SUCLG2: variants seen among roughly 807,000 people sequenced by gnomAD.
The protein encoded by SUCLG2 is succinate-CoA ligase GDP-forming subunit beta.
A neutral mutation model predicts 47.9 loss-of-function variants in SUCLG2; 42 were observed. The observed-to-expected ratio is 0.88, with a 90% CI of 0.69 to 1.14. The LOEUF (loss-of-function observed/expected upper bound fraction) is 1.14, where lower values mean the gene tolerates loss of function less well. Among genes scored for constraint, SUCLG2 ranks in the 50% most tolerant of loss-of-function variants. The probability of loss-of-function intolerance (pLI) is 0.00; values close to 1 mark genes in which losing one functional copy is unlikely to be tolerated. For synonymous variants in SUCLG2, 195 were observed against 197.3 expected (o/e 0.99, Z 0.10); for missense variants, 571 against 525.9 (o/e 1.09, Z -0.84).
intron 2 of SUCLG2, among the ~76,000 whole-genome samples, chr3:67,581,686 G>A (rs1307222441): frequency 6.6e-6 from 1 of 152,180 alleles, no homozygotes; most frequent in African/African-American, 2.4e-5. Context: ...AAAGTGCAGT[G>A]GCAGCATCTC....
chr3:67,433,859 A>G (rs953539349), intron 9 of SUCLG2, among the ~76,000 whole-genome samples: 4 of 152,222 alleles, frequency 2.6e-5, no homozygotes, highest in Non-Finnish European at 4.4e-5. Flanking sequence ...CTCTACAAAA[A>G]CATCTATAAA....
chr3:67,534,349 G>A (rs1294630841), intron 2 of SUCLG2, among the ~76,000 whole-genome samples: 1 of 151,870 alleles, frequency 6.6e-6, no homozygotes, highest in African/African-American at 2.4e-5. Flanking sequence ...TTATGCTTTC[G>A]ACGGAATAAT....
At chr3:67,450,609 T>C (rs1384811142) in intron 9 of SUCLG2, among the ~76,000 whole-genome samples, 1 of 152,262 alleles carries the variant, frequency 6.6e-6, no homozygotes, top group Non-Finnish European at 1.5e-5. Context: ...ATTTGCTGTA[T>C]TTCCTTTTTC....
At chr3:67,571,579 A>G (rs1707610197) in intron 2 of SUCLG2, among the ~76,000 whole-genome samples, 1 of 152,040 alleles carries the variant, frequency 6.6e-6, no homozygotes, top group Admixed American at 6.5e-5. Context: ...AATAGCATGT[A>G]TTCCACAGAA....
At chr3:67,505,640 T>C (rs766851133) in intron 7 of SUCLG2, among the ~76,000 whole-genome samples, 16 of 152,022 alleles carry the variant, frequency 1.1e-4, no homozygotes, top group Non-Finnish European at 1.9e-4. Context: ...CACTGACCAA[T>C]GGAAGGTCAA....
At chr3:67,434,800 A>C (rs773107271) in intron 9 of SUCLG2, among the ~76,000 whole-genome samples, 1 of 152,208 alleles carries the variant, frequency 6.6e-6, no homozygotes, top group Non-Finnish European at 1.5e-5. Context: ...AGATGCAATG[A>C]GTTCATTTCT....
rs1461550697 is a variant in SUCLG2, at chr3:67,491,593, GA to G, written c.1062+4204del. 5.9e-5 allele frequency among the ~76,000 whole-genome samples: 9 copies of G among 152,030 alleles called. No individual in the cohort carries two copies. In the East Asian group the frequency reaches 1.6e-3, roughly 26 times the overall value. On this transcript the variant is annotated intron_variant, in intron 9 of 10. Coordinates refer to ENST00000307227, the MANE Select transcript of SUCLG2 (RefSeq NM_003848.4). ...TTGGCCAGGCTGCTCTTGAAATCCC[GA>G]CCTTCTGCCCACTTCGGCCTCCCAA...
rs182834386 is a variant in SUCLG2 at position 67,592,845 on chromosome 3, T to C, written c.226+16610A>G. Among the ~76,000 whole-genome samples, 35 of 152,098 alleles carry C rather than the reference T, an allele frequency of 2.3e-4. 2 individuals are homozygous for C. The highest frequency in any genetic ancestry group is 6.8e-3 in the Middle Eastern group (2 of 294). ...GGTACACTGTCACCTCACGATACTG[T>C]ATAGAAAAACCCACAATGTAATTAT... On this transcript the variant is annotated intron_variant, in intron 2 of 10. Coordinates refer to ENST00000307227, the MANE Select transcript of SUCLG2 (RefSeq NM_003848.4).
intron 1 of SUCLG2, among the ~76,000 whole-genome samples, chr3:67,652,230 G>A (rs1701299352): frequency 6.6e-6 from 1 of 151,912 alleles, no homozygotes; most frequent in South Asian, 2.1e-4. Context: ...TTAACCATAG[G>A]GAGGAGGTAG....
intron 1 of SUCLG2, among the ~76,000 whole-genome samples, chr3:67,654,246 G>A (rs374017297): frequency 3.3e-5 from 5 of 152,342 alleles, no homozygotes; most frequent in South Asian, 4.1e-4. Flanking sequence ...GAGTCTGCGC[G>A]GGCAGACAGC....
chr3:67,541,408 C>A (rs114506918), intron 2 of SUCLG2, among the ~76,000 whole-genome samples: 7 of 151,872 alleles, frequency 4.6e-5, no homozygotes, highest in African/African-American at 1.7e-4. Flanking sequence ...ATAGCTAGAT[C>A]GATCAAGTGG....
At position 67,409,148 on chromosome 3, in the gene SUCLG2, C is replaced by T. The variant is rs1018946114; in HGVS notation, c.1063-8297G>A. ...TTACTGATAAAAGAGTTGTCCAGAG[C>T]TCATGGTTTTGGCATTTCCTAGTTA... On this transcript the variant is annotated intron_variant, in intron 9 of 10. Coordinates refer to ENST00000307227, the MANE Select transcript of SUCLG2 (RefSeq NM_003848.4). 15 of 1,244,298 alleles carry T rather than the reference C, an allele frequency of 1.2e-5. No homozygotes were observed. The African/African-American group carries it at 2.1e-4, about 18-fold the overall frequency. The allele number at this position is 1,244,298 out of a possible 1,614,324, so 77.1% of individuals were successfully genotyped here. A position where few individuals can be genotyped will look rare whatever the true frequency, so the allele number is the denominator to read the frequency against.
At chr3:67,516,226 A>G (rs946089490) in intron 6 of SUCLG2, among the ~76,000 whole-genome samples, 13 of 152,214 alleles carry the variant, frequency 8.5e-5, no homozygotes, top group African/African-American at 3.1e-4. Context: ...CCTTTCCTCG[A>G]TAAATTAATT....
At chr3:67,431,509 C>G (rs543483002) in intron 9 of SUCLG2, among the ~76,000 whole-genome samples, 2 of 152,212 alleles carry the variant, frequency 1.3e-5, no homozygotes, top group African/African-American at 2.4e-5. Context: ...CAATGATAGA[C>G]TGGATTAAGA....
chr3:67,607,834 A>T (rs1700451517), intron 2 of SUCLG2, among the ~76,000 whole-genome samples: 1 of 152,162 alleles, frequency 6.6e-6, no homozygotes, highest in Non-Finnish European at 1.5e-5. Flanking sequence ...CCCCTGCACA[A>T]GTTCTCGTCT....
intron 2 of SUCLG2, among the ~76,000 whole-genome samples, chr3:67,592,718 C>CAAAAAAAAAAAAAAAAAAAAAAAAAAAA (rs754866312): frequency 1.2e-5 from 1 of 80,254 alleles, no homozygotes; most frequent in Non-Finnish European, 2.2e-5. Flanking sequence ...TCACATCCTC[C>CAAAAAAAAAAAAAAAAAAAAAAAAAAAA]AAAAAAAAAA....
intron 10 of SUCLG2, among the ~76,000 whole-genome samples, chr3:67,397,622 C>T (rs1702576331): frequency 1.3e-5 from 2 of 152,096 alleles, no homozygotes; most frequent in South Asian, 4.2e-4. Context: ...TCAATGCCAT[C>T]CCCATCAAGC....
intron 1 of SUCLG2, among the ~76,000 whole-genome samples, chr3:67,620,584 C>CAAAAAAAAAAAAAAAAAAA (rs71109890): frequency 6.3e-5 from 4 of 63,514 alleles, no homozygotes; most frequent in African/African-American, 1.2e-4. Flanking sequence ...GACTCCATCT[C>CAAAAAAAAAAAAAAAAAAA]AAAAAAAAAA....
chr3:67,496,006 T>C (rs1429374764), intron 8 of SUCLG2, 66 bp from the exon 9 acceptor site: 1 of 1,595,056 alleles, frequency 6.3e-7, no homozygotes, highest in Non-Finnish European at 8.6e-7. Flanking sequence ...CATAAACATT[T>C]TCCCTCCCCC....
Sources: allele counts gnomAD v4.1 joint callset (sites outside exome capture counted in the v4.1 genomes callset), GRCh38; gene constraint gnomAD v4.1.1; transcripts MANE v1.5; gene names NCBI Gene and HGNC (gene_info 2026-07-23, HGNC 2026-07-21).